Variants in FAM13A observed in about 807,000 individuals in gnomAD.
FAM13A encodes family with sequence similarity 13 member A, also known as protein FAM13A.
A neutral mutation model predicts 129.6 loss-of-function variants in FAM13A; 76 were observed. The ratio of observed to expected loss-of-function variants is 0.59; its 90% CI spans 0.49 to 0.71. The LOEUF (loss-of-function observed/expected upper bound fraction) is 0.71. FAM13A is among the 30% of genes least tolerant of loss of function. FAM13A has a pLI of 0.00. For missense variants in FAM13A, 1,108 were observed against 1,249.3 expected (o/e 0.89, Z 1.70); for synonymous variants, 443 against 449.9 (o/e 0.98, Z 0.20).
At chr4:88,926,341 A>AT (rs1491187359) in intron 5 of FAM13A, among the ~76,000 whole-genome samples, 2 of 151,986 alleles carry the variant, frequency 1.3e-5, no homozygotes, top group African/African-American at 4.8e-5. Context: ...TATAGAAAAC[A>AT]TAAGTGATCT....
chr4:88,997,641 G>T (rs1213430023), intron 3 of FAM13A, among the ~76,000 whole-genome samples: 3 of 151,818 alleles, frequency 2.0e-5, no homozygotes, highest in African/African-American at 7.3e-5. Context: ...CTCTAATCTT[G>T]ACATGTATCC....
chr4:88,905,987 G>C (rs1390770166), intron 6 of FAM13A, among the ~76,000 whole-genome samples: 1 of 152,090 alleles, frequency 6.6e-6, no homozygotes, highest in Non-Finnish European at 1.5e-5. Flanking sequence ...GGAAATAGGA[G>C]AGCATCAAGA....
chr4:88,914,369 C>T (rs1246261122), intron 5 of FAM13A, among the ~76,000 whole-genome samples: 1 of 152,202 alleles, frequency 6.6e-6, no homozygotes, highest in Non-Finnish European at 1.5e-5. Context: ...ATGACCTACA[C>T]AGTCCCAATG....
At chr4:89,000,258 C>CA (rs1166846552) in intron 3 of FAM13A, among the ~76,000 whole-genome samples, 1 of 151,920 alleles carries the variant, frequency 6.6e-6, no homozygotes, top group Non-Finnish European at 1.5e-5. Flanking sequence ...TCATAACAGC[C>CA]AAAAAATGGA....
chr4:88,742,451 C>CA (rs1415552234), intron 19 of FAM13A, among the ~76,000 whole-genome samples: 1 of 152,074 alleles, frequency 6.6e-6, no homozygotes, highest in Non-Finnish European at 1.5e-5. Context: ...CTCATGATTC[C>CA]ACAAAACCAT....
chr4:88,892,226 C>G (rs1013330803), intron 6 of FAM13A, among the ~76,000 whole-genome samples: 21 of 130,470 alleles, frequency 1.6e-4, no homozygotes, highest in African/African-American at 5.6e-4. Flanking sequence ...GTCACCCAGG[C>G]TGGAGTGCAG....
intron 13 of FAM13A, among the ~76,000 whole-genome samples, chr4:88,761,552 A>G (rs1038389806): frequency 9.9e-5 from 15 of 152,128 alleles, no homozygotes; most frequent in African/African-American, 3.4e-4. Flanking sequence ...GGCACATCAC[A>G]CAGAAGGAAG....
At chr4:88,954,069 T>C (rs929437307) in intron 4 of FAM13A, among the ~76,000 whole-genome samples, 3 of 152,124 alleles carry the variant, frequency 2.0e-5, no homozygotes, top group African/African-American at 7.2e-5. Context: ...TGAAAAAAAA[T>C]AAATTGTTAG....
At chr4:88,775,683 G>C (rs184751485) in intron 11 of FAM13A, among the ~76,000 whole-genome samples, 1 of 152,228 alleles carries the variant, frequency 6.6e-6, no homozygotes, top group East Asian at 1.9e-4. Flanking sequence ...CTCCAGGCTG[G>C]ATGACAGAGT....
At chr4:88,879,612 T>TG (rs1172296422) in intron 6 of FAM13A, among the ~76,000 whole-genome samples, 1 of 152,180 alleles carries the variant, frequency 6.6e-6, no homozygotes, top group Non-Finnish European at 1.5e-5. Context: ...GGCCTGGGGA[T>TG]GGAGGTGCGG....
intron 11 of FAM13A, among the ~76,000 whole-genome samples, chr4:88,777,727 A>G (rs1372894573): frequency 6.6e-6 from 1 of 152,214 alleles, no homozygotes; most frequent in African/African-American, 2.4e-5. Flanking sequence ...TGGGCCAGCA[A>G]GATCACTGTG....
intron 1 of FAM13A, among the ~76,000 whole-genome samples, chr4:89,055,983 G>A (rs1579958870): frequency 6.6e-6 from 1 of 152,148 alleles, no homozygotes; most frequent in South Asian, 2.1e-4. Context: ...GCCATCAGAA[G>A]CTACAGCAAA....
intron 7 of FAM13A, chr4:88,822,910 A>G: frequency 6.3e-7 from 1 of 1,583,914 alleles, no homozygotes; most frequent in Non-Finnish European, 8.6e-7. Context: ...AGTACTGGCA[A>G]AGTTATATGG....
chr4:89,017,029 T>C (rs981373535), intron 3 of FAM13A, among the ~76,000 whole-genome samples: 6 of 152,212 alleles, frequency 3.9e-5, no homozygotes, highest in Non-Finnish European at 7.3e-5. Context: ...ACATGCTGTA[T>C]AGGTTTGTTG....
At chr4:88,885,577 C>A (rs1561250446) in intron 6 of FAM13A, among the ~76,000 whole-genome samples, 1 of 152,082 alleles carries the variant, frequency 6.6e-6, no homozygotes, top group Non-Finnish European at 1.5e-5. Context: ...ACTGGAAAAC[C>A]CCTTCTAGAC....
At chr4:88,901,522 C>T in intron 6 of FAM13A, among the ~76,000 whole-genome samples, 1 of 152,116 alleles carries the variant, frequency 6.6e-6, no homozygotes, top group Non-Finnish European at 1.5e-5. Context: ...AATTGAACAA[C>T]CTGCTCCTGA....
intron 5 of FAM13A, among the ~76,000 whole-genome samples, chr4:88,909,170 T>G (rs977938521): frequency 6.6e-6 from 1 of 152,198 alleles, no homozygotes; most frequent in Non-Finnish European, 1.5e-5. Context: ...TTATTCATAA[T>G]AGCCTAAAAG....
chr4:88,982,854 C>A lies in FAM13A; in HGVS notation c.605+8119G>T, dbSNP rs114366129. ...GTGATGCCCAGGTGTCTCCTTCATGCCAGAAGTATTCATTATCCACCCAAT... is the reference window on the plus strand; with the variant it reads ...GTGATGCCCAGGTGTCTCCTTCATGACAGAAGTATTCATTATCCACCCAAT... On this transcript the variant is annotated intron_variant, in intron 4 of 23. Coordinates refer to ENST00000264344, the MANE Select transcript of FAM13A (RefSeq NM_014883.4). 8.4e-3 allele frequency among the ~76,000 whole-genome samples: 1,286 copies of A among 152,234 alleles called. 12 individuals are homozygous for A. The highest frequency in any genetic ancestry group is 0.03 in the African/African-American group (1,241 of 41,538).
intron 4 of FAM13A, among the ~76,000 whole-genome samples, chr4:88,957,713 T>C (rs1757974551): frequency 6.6e-6 from 1 of 152,174 alleles, no homozygotes; most frequent in African/African-American, 2.4e-5. Context: ...TAAGTGGTTG[T>C]GACCAAAATG....
Sources: gnomAD v4.1 joint callset for allele counts (sites outside exome capture counted in the v4.1 genomes callset) on GRCh38, gnomAD v4.1.1 for gene constraint, MANE v1.5 for transcripts, NCBI Gene and HGNC (gene_info 2026-07-23, HGNC 2026-07-21) for gene names.